Variants in LUM observed in about 807,000 individuals in gnomAD.
LUM encodes the protein KSPG lumican.
LUM carries 13 observed loss-of-function variants against 20.5 expected under a neutral mutation model. The observed-to-expected ratio is 0.63, with a 90% CI of 0.41 to 1.01. LUM has a LOEUF of 1.01. Ranked by LOEUF, LUM falls within the 50% of genes least tolerant of loss-of-function variation. The pLI is 0.00. For synonymous variants in LUM, 173 were observed against 151.5 expected (o/e 1.14, Z -1.04); for missense variants, 321 against 391.1 (o/e 0.82, Z 1.51).
intron 2 of LUM, among the ~76,000 whole-genome samples, chr12:91,107,291 A>AAGAAAGAAAGAAAG: frequency 9.7e-6 from 1 of 103,454 alleles, no homozygotes; most frequent in African/African-American, 4.0e-5. Flanking sequence ...AAGAAAGAGA[A>AAGAAAGAAAGAAAG]AGAAAGAAAG....
rs1217103184 is a variant in LUM, at chr12:91,108,763, G to A, written c.217C>T (p.Leu73Phe). The A allele has an allele frequency of 6.2e-7, 1 of 1,614,030 alleles. No homozygotes were observed. Among genetic ancestry groups the A allele is most frequent in the Admixed American group, 1.7e-5 (1 of 59,998 alleles). The change falls in exon 2 of 3, where the codon CTT (leucine) becomes TTT (phenylalanine). Residue 73 changes from leucine (L) to phenylalanine (F), a missense_variant. Leu to Phe is a conservative substitution (Grantham distance 22). Coordinates refer to ENST00000266718, the MANE Select transcript of LUM (RefSeq NM_002345.4). This position sits in a 1 kb window ranked among gnomAD's most constrained non-coding sequence, Gnocchi z 4.2. ...MVPPGIKYLY[L>F]RNNQIDHIDE... ...ATATGGTCAATCTGGTTATTCCTAA[G>A]GTAAAGATACTTGATTCCAGGAGGC...
rs75409608 is a variant in LUM at position 91,103,865 on chromosome 12, A to G, written c.*300T>C. 3.4e-4 allele frequency: 82 copies of G among 239,494 alleles called. No homozygotes were observed. The East Asian group carries it at 7.1e-3, about 21-fold the overall frequency. 14.8% of individuals were successfully genotyped at this position (239,494 alleles called of 1,614,324 possible). A position where few individuals can be genotyped will look rare whatever the true frequency, so the allele number is the denominator to read the frequency against. ...AACATTAAGATTTAAGGATTATAAAACTTGGCTGATTTCCATGCAACCAGT... is the reference window on the plus strand; with the variant it reads ...AACATTAAGATTTAAGGATTATAAAGCTTGGCTGATTTCCATGCAACCAGT... On this transcript the variant is annotated 3_prime_UTR_variant, in exon 3 of 3. Transcript: ENST00000266718.
At chr12:91,105,621 A>T (rs1371000834) in intron 2 of LUM, among the ~76,000 whole-genome samples, 1 of 152,220 alleles carries the variant, frequency 6.6e-6, no homozygotes, top group Non-Finnish European at 1.5e-5. Flanking sequence ...GGTGATACAT[A>T]AAAAGACAAG....
At chr12:91,104,474 C>T (rs1879987297) in intron 2 of LUM, among the ~76,000 whole-genome samples, 155 bp from the exon 3 acceptor site, 1 of 152,014 alleles carries the variant, frequency 6.6e-6, no homozygotes, top group Non-Finnish European at 1.5e-5. Flanking sequence ...CCATTAAAGG[C>T]ATATTTCAGG....
chr12:91,110,601 T>C (rs941796782), intron 1 of LUM, among the ~76,000 whole-genome samples: 4 of 152,216 alleles, frequency 2.6e-5, no homozygotes, highest in Non-Finnish European at 5.9e-5. Flanking sequence ...GCTTTATTAA[T>C]AAGCTATTTT....
At chr12:91,104,376 A>G in intron 2 of LUM, 57 bp from the exon 3 acceptor site, 1 of 1,203,440 alleles carries the variant, frequency 8.3e-7, no homozygotes, top group Non-Finnish European at 1.2e-6. Context: ...GCTCAAAACA[A>G]TACAAAAAAT....
intron 1 of LUM, among the ~76,000 whole-genome samples, chr12:91,109,705 C>G (rs1483193290): frequency 6.6e-6 from 1 of 152,124 alleles, no homozygotes; most frequent in Non-Finnish European, 1.5e-5. Context: ...TTAATAATTG[C>G]TAATGTTTAT....
chr12:91,102,884 A>G lies in LUM; in HGVS notation c.*1281T>C, dbSNP rs1172434872. On this transcript the variant is annotated 3_prime_UTR_variant, in exon 3 of 3. Transcript: ENST00000266718. Reference sequence around the variant, plus strand: ...TAAAAGTGGTGTGTTAAAACATTTTATGCCTTAGAGATACATTTTATTTGT... The same window carrying G: ...TAAAAGTGGTGTGTTAAAACATTTTGTGCCTTAGAGATACATTTTATTTGT... 6.6e-6 allele frequency: 1 copy of G among 152,114 alleles called. No individual in the cohort carries two copies. The highest frequency in any genetic ancestry group is 1.5e-5 in the Non-Finnish European group (1 of 67,964). 9.4% of individuals were successfully genotyped at this position (152,114 alleles called of 1,614,324 possible).
At chr12:91,105,996 C>T (rs146369172) in intron 2 of LUM, among the ~76,000 whole-genome samples, 1,620 of 152,266 alleles carry the variant, frequency 0.011, 14 homozygotes, top group Middle Eastern at 0.017. Flanking sequence ...AATGAGGAAT[C>T]ACATATGGCC....
chr12:91,109,865 A>T (rs1376893055), intron 1 of LUM, among the ~76,000 whole-genome samples: 1 of 152,178 alleles, frequency 6.6e-6, no homozygotes, highest in Non-Finnish European at 1.5e-5. Context: ...AAAATCGAAG[A>T]TGCCATGGTT....
Position 91,106,649 on chromosome 12 carries a change from G to T in LUM, c.862+1469C>A, listed in dbSNP as rs112420991. On this transcript the variant is annotated intron_variant, in intron 2 of 2. Coordinates refer to ENST00000266718, the MANE Select transcript of LUM (RefSeq NM_002345.4). The stretch of plus-strand genomic sequence containing the variant: ...GAAATATCAAATGAGGGGCAGGATT[G>T]TACCCAAGAAAAAAAAAGCTCTGTA... Among the ~76,000 whole-genome samples, 566 of 116,432 alleles carry T rather than the reference G, an allele frequency of 4.9e-3. 3 individuals carry two copies. The highest frequency in any genetic ancestry group is 6.3e-3 in the Admixed American group (61 of 9,702). The allele number at this position is 116,432 out of a possible 152,430, so 76.4% of individuals were successfully genotyped here.
intron 2 of LUM, 132 bp downstream of exon 2, chr12:91,107,986 T>C: frequency 9.5e-7 from 1 of 1,049,172 alleles, no homozygotes; most frequent in Non-Finnish European, 1.5e-6. Flanking sequence ...ATGCTGGATT[T>C]ACAGGAATGA....
At chr12:91,107,151 AAAAG>A (rs1197158704) in intron 2 of LUM, among the ~76,000 whole-genome samples, 1,632 of 148,632 alleles carry the variant, frequency 0.011, 27 homozygotes, top group Admixed American at 0.025. Flanking sequence ...GTCAAAAAAA[AAAAG>A]AAAGAAAGAA....
At chr12:91,107,273 A>AAG (rs1279464620) in intron 2 of LUM, among the ~76,000 whole-genome samples, 293 of 92,680 alleles carry the variant, frequency 3.2e-3, no homozygotes, top group Non-Finnish European at 3.9e-3. Flanking sequence ...GAAAGAAAGA[A>AAG]AGAAAGAAAG....
At position 91,108,741 on chromosome 12, in the gene LUM, T is replaced by A; in HGVS notation, c.239A>T (p.His80Leu). The change falls in exon 2 of 3, where the codon CAT (histidine) becomes CTT (leucine). Residue 80 changes from histidine (H) to leucine (L), a missense_variant. Physicochemically the swap from His to Leu is moderately conservative, Grantham distance 99. Transcript: ENST00000266718. The surrounding 1 kb of genome is among the most constrained non-coding windows in gnomAD (Gnocchi z 4.2). ...ATTCTCAAAGGCCTTTTCATCAATATGGTCAATCTGGTTATTCCTAAGGTA... is the reference window on the plus strand; with the variant it reads ...ATTCTCAAAGGCCTTTTCATCAATAAGGTCAATCTGGTTATTCCTAAGGTA... ...YLYLRNNQID[H>L]IDEKAFENVT... The A allele has an allele frequency of 6.2e-7, 1 of 1,614,116 alleles. No homozygotes were observed. Among genetic ancestry groups the A allele is most frequent in the Non-Finnish European group, 8.5e-7 (1 of 1,180,002 alleles).
In LUM at chr12:91,108,356, T is replaced by C. The variant is rs1880126264; in HGVS notation, c.624A>G (p.Leu208=). ...RLPSGLPVSL[L]TLYLDNNKIS... The stretch of plus-strand genomic sequence containing the variant: ...TCTTATTGTTGTCTAAGTAGAGAGT[T>C]AGAAGAGAGACAGGGAGACCAGAAG... The change falls in exon 2 of 3, where the codon CTA becomes CTG. Residue 208 remains leucine, a synonymous_variant. Transcript: ENST00000266718. This position sits in a 1 kb window ranked among gnomAD's most constrained non-coding sequence, Gnocchi z 4.2. The C allele has an allele frequency of 1.2e-6, 2 of 1,614,010 alleles. No homozygotes were observed.
At chr12:91,111,095 ACAT>A (rs1880194601) in intron 1 of LUM, among the ~76,000 whole-genome samples, 1 of 152,316 alleles carries the variant, frequency 6.6e-6, no homozygotes, top group Non-Finnish European at 1.5e-5. Flanking sequence ...TAACTAGCAT[ACAT>A]AACAAACATA....
chr12:91,107,285 AAGAGAAAG>A (rs1565758424), intron 2 of LUM, among the ~76,000 whole-genome samples: 1 of 58,472 alleles, frequency 1.7e-5, no homozygotes, highest in Admixed American at 2.0e-4. Context: ...GAAAGAAAGA[AAGAGAAAG>A]AAAGAAAGAA....
chr12:91,103,363 A>G lies in LUM; in HGVS notation c.*802T>C, dbSNP rs1879951777. On this transcript the variant is annotated 3_prime_UTR_variant, in exon 3 of 3. Transcript: ENST00000266718. ...AGTAAGTTGTGAAATCTAAGTACCT[A>G]TTATAGGTGTTTTTAAGAACTCTTT... 1 of 152,106 alleles carries G rather than the reference A, an allele frequency of 6.6e-6. No individual in the cohort carries two copies. The allele number at this position is 152,106 out of a possible 1,614,324, so 9.4% of individuals were successfully genotyped here.
Sources: gnomAD v4.1 joint callset for allele counts (sites outside exome capture counted in the v4.1 genomes callset) on GRCh38, gnomAD v4.1.1 for gene constraint, Gnocchi (gnomAD v3.1) non-coding constraint, MANE v1.5 for transcripts, NCBI Gene and HGNC (gene_info 2026-07-23, HGNC 2026-07-21) for gene names.